LIN28B: variants seen among roughly 807,000 people sequenced by gnomAD.
LIN28B encodes lin-28 RNA binding posttranscriptional regulator B.
Under a neutral mutation model 21.9 loss-of-function variants are expected in LIN28B, and 5 were observed. The observed-to-expected ratio is 0.23, with a 90% CI of 0.12 to 0.48. LIN28B has a LOEUF of 0.48. Ranked by LOEUF, LIN28B falls within the 20% of genes least tolerant of loss-of-function variation. The pLI is 0.98. For missense variants in LIN28B, 245 were observed against 310.5 expected (o/e 0.79, Z 1.58); for synonymous variants, 109 against 111.3 (o/e 0.98, Z 0.13).
chr6:104,954,519 C>T (rs1261203315), upstream of LIN28B, among the ~76,000 whole-genome samples: 6 of 152,158 alleles, frequency 3.9e-5, no homozygotes, highest in Non-Finnish European at 8.8e-5. Context: ...ACCCTTCCCT[C>T]GCCTCTTCTC....
intron 3 of LIN28B, among the ~76,000 whole-genome samples, chr6:105,053,780 T>C (rs954096721): frequency 4.0e-5 from 6 of 151,686 alleles, no homozygotes; most frequent in African/African-American, 1.5e-4. Context: ...TAGCCCAGGC[T>C]GGAGTGCAAT....
chr6:105,045,508 A>G (rs901513058), intron 3 of LIN28B: 4 of 151,556 alleles, frequency 2.6e-5, no homozygotes, highest in Non-Finnish European at 4.4e-5. Flanking sequence ...CTGGTGTCGA[A>G]CTCCTGACCT....
chr6:104,974,159 TG>T (rs1384601347), intron 2 of LIN28B, among the ~76,000 whole-genome samples: 4 of 152,080 alleles, frequency 2.6e-5, no homozygotes, highest in Non-Finnish European at 4.4e-5. Flanking sequence ...TTAGAAAGAC[TG>T]TTTGTGAAGT....
intron 2 of LIN28B, among the ~76,000 whole-genome samples, chr6:105,023,863 AAAATT>A (rs1236939587): frequency 1.3e-5 from 2 of 150,634 alleles, no homozygotes; most frequent in African/African-American, 4.9e-5. Context: ...ATAATAATGG[AAAATT>A]AAATTAAGTG....
chr6:105,013,659 G>A (rs1007605466), intron 2 of LIN28B, among the ~76,000 whole-genome samples: 3 of 151,526 alleles, frequency 2.0e-5, no homozygotes, highest in Non-Finnish European at 4.4e-5. Flanking sequence ...GGAAGTTGAG[G>A]CTGCAGTGAG....
chr6:105,007,177 A>C (rs1042337986), intron 2 of LIN28B, among the ~76,000 whole-genome samples: 6 of 152,240 alleles, frequency 3.9e-5, no homozygotes, highest in Non-Finnish European at 8.8e-5. Flanking sequence ...ATATACTGTT[A>C]ATGAAAACAT....
chr6:104,966,362 T>C (rs1279810979), intron 2 of LIN28B, among the ~76,000 whole-genome samples: 1 of 152,224 alleles, frequency 6.6e-6, no homozygotes, highest in East Asian at 1.9e-4. Context: ...ATAATACACA[T>C]GAAAATAATT....
chr6:105,052,377 G>A (rs1771925096), intron 3 of LIN28B, among the ~76,000 whole-genome samples: 1 of 152,074 alleles, frequency 6.6e-6, no homozygotes. Context: ...TTGTAGGCTG[G>A]GAAGTCCAAG....
At chr6:104,985,119 G>C (rs1201467) in intron 2 of LIN28B, among the ~76,000 whole-genome samples, 21,246 of 152,162 alleles carry the variant, frequency 0.14, 1,915 homozygotes, top group African/African-American at 0.25. Flanking sequence ...ACAAACTGTA[G>C]GGGAGGGAAC....
chr6:104,982,587 G>T (rs1770249178), intron 2 of LIN28B, among the ~76,000 whole-genome samples: 1 of 152,104 alleles, frequency 6.6e-6, no homozygotes, highest in Non-Finnish European at 1.5e-5. Flanking sequence ...AGGAGGATAA[G>T]ATGTATTTTC....
At chr6:104,967,393 A>G (rs1404455749) in intron 2 of LIN28B, among the ~76,000 whole-genome samples, 2 of 151,650 alleles carry the variant, frequency 1.3e-5, no homozygotes, top group Non-Finnish European at 2.9e-5. Context: ...CAGCCTGGCC[A>G]ACATGGTAAA....
intron 2 of LIN28B, among the ~76,000 whole-genome samples, chr6:104,937,572 T>C (rs541238433): frequency 5.9e-4 from 90 of 152,278 alleles, no homozygotes; most frequent in African/African-American, 1.9e-3. Context: ...GCCAACTCTA[T>C]TTTTCAAATT....
At chr6:105,074,155 A>G (rs564084443) in intron 3 of LIN28B, among the ~76,000 whole-genome samples, 1 of 152,194 alleles carries the variant, frequency 6.6e-6, no homozygotes, top group Non-Finnish European at 1.5e-5. Context: ...TTTAACCATC[A>G]TAAGTGCCTC....
At chr6:104,957,286 C>T in intron 1 of LIN28B, 26 bp downstream of exon 1, 2 of 1,540,870 alleles carry the variant, frequency 1.3e-6, no homozygotes, top group South Asian at 2.2e-5. Flanking sequence ...TATTGTTTTA[C>T]TGTGAATTTC....
At chr6:105,071,457 G>A (rs938359265) in intron 3 of LIN28B, among the ~76,000 whole-genome samples, 1 of 151,940 alleles carries the variant, frequency 6.6e-6, no homozygotes, top group African/African-American at 2.4e-5. Context: ...ATAACAATTA[G>A]TTATTGTTAG....
chr6:105,048,176 A>G (rs925081179), intron 3 of LIN28B, among the ~76,000 whole-genome samples: 4 of 152,336 alleles, frequency 2.6e-5, no homozygotes, highest in Non-Finnish European at 5.9e-5. Context: ...AGCTCTTATT[A>G]TTTTGAGATA....
At chr6:104,940,570 GC>G (rs1354928543) in intron 2 of LIN28B, 2 of 150,428 alleles carry the variant, frequency 1.3e-5, no homozygotes, top group African/African-American at 4.9e-5. Context: ...GTTCAATCTC[GC>G]GCGCTCGGCG....
At chr6:104,941,414 C>G (rs1778090056) in intron 2 of LIN28B, 1 of 143,116 alleles carries the variant, frequency 7.0e-6, no homozygotes, top group Non-Finnish European at 1.5e-5. Flanking sequence ...GCTGCGGTTG[C>G]TGCCGGGCGG....
chr6:105,012,772 TA>T (rs780339895), intron 2 of LIN28B, among the ~76,000 whole-genome samples: 54 of 152,328 alleles, frequency 3.5e-4, no homozygotes, highest in Admixed American at 1.1e-3. Flanking sequence ...AAACCCCTAA[TA>T]TACATTTGCA....
Sources: gnomAD v4.1 joint callset for allele counts (sites outside exome capture counted in the v4.1 genomes callset) on GRCh38, gnomAD v4.1.1 for gene constraint, MANE v1.5 for transcripts, NCBI Gene and HGNC (gene_info 2026-07-23, HGNC 2026-07-21) for gene names.